Variants in NKAIN2 observed in about 807,000 individuals in gnomAD.
NKAIN2 encodes sodium/potassium-transporting ATPase subunit beta-1-interacting protein 2.
In NKAIN2, 14 loss-of-function variants were observed where a neutral mutation model predicts 32.6. The observed-to-expected ratio is 0.43, with a 90% CI of 0.28 to 0.67. NKAIN2 has a LOEUF of 0.67. Among genes scored for constraint, NKAIN2 ranks in the 30% least tolerant of loss-of-function variants. The probability of loss-of-function intolerance (pLI) is 0.17; values close to 1 mark genes in which losing one functional copy is unlikely to be tolerated. For missense variants in NKAIN2, 198 were observed against 258.3 expected, an observed-to-expected ratio of 0.77 and a Z score of 1.60; for synonymous variants, 80 against 87.2, an observed-to-expected ratio of 0.92 and a Z score of 0.46.
chr6:124,345,347 T>C (rs1252107461), intron 2 of NKAIN2, among the ~76,000 whole-genome samples: 3 of 152,226 alleles, frequency 2.0e-5, no homozygotes, highest in African/African-American at 7.2e-5. Flanking sequence ...GCTGGCCTCA[T>C]AAAATGAGTT....
At chr6:124,237,489 C>A (rs1376613116) in intron 1 of NKAIN2, among the ~76,000 whole-genome samples, 2 of 151,790 alleles carry the variant, frequency 1.3e-5, no homozygotes, top group Non-Finnish European at 2.9e-5. Context: ...TTTTGTTATA[C>A]AAAGGAATGA....
intron 3 of NKAIN2, among the ~76,000 whole-genome samples, chr6:124,412,289 T>A (rs1429166769): frequency 6.6e-6 from 1 of 152,190 alleles, no homozygotes; most frequent in Admixed American, 6.5e-5. Context: ...GCTCTGTTTT[T>A]TCCCCATCTT....
At chr6:124,098,742 T>C (rs1784751544) in intron 1 of NKAIN2, among the ~76,000 whole-genome samples, 1 of 151,874 alleles carries the variant, frequency 6.6e-6, no homozygotes, top group Non-Finnish European at 1.5e-5. Context: ...TGGTGGCACG[T>C]GTCTGTAGTC....
At chr6:124,110,684 A>C (rs1785343362) in intron 1 of NKAIN2, among the ~76,000 whole-genome samples, 1 of 152,096 alleles carries the variant, frequency 6.6e-6, no homozygotes, top group Non-Finnish European at 1.5e-5. Context: ...GCTTAGGATA[A>C]TGGCCTCCAT....
At position 124,644,631 on chromosome 6, in the gene NKAIN2, C is replaced by A. The variant is rs540010385; in HGVS notation, c.274-13555C>A. 3.3e-5 allele frequency among the ~76,000 whole-genome samples: 5 copies of A among 152,248 alleles called. No individual in the cohort carries two copies. In the South Asian group the frequency reaches 1.0e-3, roughly 32 times the overall value. ...ATGTTAGCCAGGATGGTCTTGATCT[C>A]CTGACCTTGTGATCCGCCTGCCTCG... On this transcript the variant is annotated intron_variant, in intron 3 of 6. Transcript: ENST00000368417.
At position 124,572,924 on chromosome 6, in the gene NKAIN2, C is replaced by A. The variant is rs1455817894; in HGVS notation, c.274-85262C>A. ...GGGTGATCTCTGCTCACTGCGTCCT[C>A]CGCCTCCCCAGTTCAAGCAATTCTC... On this transcript the variant is annotated intron_variant, in intron 3 of 6. Transcript: ENST00000368417. Among the ~76,000 whole-genome samples, 4 of 152,180 alleles carry A rather than the reference C, an allele frequency of 2.6e-5. No homozygotes were observed. The East Asian group carries it at 7.7e-4, about 29-fold the overall frequency.
At chr6:124,304,933 G>T (rs762599034) in intron 2 of NKAIN2, among the ~76,000 whole-genome samples, 1 of 151,954 alleles carries the variant, frequency 6.6e-6, no homozygotes, top group African/African-American at 2.4e-5. Flanking sequence ...GTCTGTAATT[G>T]CCTTCAAACT....
At chr6:124,096,368 A>G (rs1176145628) in intron 1 of NKAIN2, among the ~76,000 whole-genome samples, 1 of 152,158 alleles carries the variant, frequency 6.6e-6, no homozygotes, top group East Asian at 1.9e-4. Flanking sequence ...GGACATCCCA[A>G]TACTCTGATG....
intron 1 of NKAIN2, among the ~76,000 whole-genome samples, chr6:124,172,267 T>C (rs1365724387): frequency 3.9e-5 from 6 of 152,354 alleles, no homozygotes; most frequent in African/African-American, 1.4e-4. Context: ...GTAAATTTGT[T>C]ATATCAAAAC....
intron 1 of NKAIN2, among the ~76,000 whole-genome samples, chr6:124,226,521 T>C (rs913848329): frequency 6.6e-6 from 1 of 152,050 alleles, no homozygotes; most frequent in Non-Finnish European, 1.5e-5. Flanking sequence ...TCACCACCAA[T>C]GTCAAAGGCA....
intron 3 of NKAIN2, among the ~76,000 whole-genome samples, chr6:124,437,413 T>G (rs1775494907): frequency 6.6e-6 from 1 of 152,242 alleles, no homozygotes; most frequent in African/African-American, 2.4e-5. Flanking sequence ...GCCAATTATT[T>G]GATCACAAGC....
At chr6:124,474,142 G>A (rs1190459136) in intron 3 of NKAIN2, among the ~76,000 whole-genome samples, 5 of 151,398 alleles carry the variant, frequency 3.3e-5, no homozygotes, top group Middle Eastern at 3.4e-3. Context: ...TCGCTCTATC[G>A]CCCAGGCTAG....
chr6:123,900,532 G>GTTTTTTTTTTTTTTTTTTTTTT lies in NKAIN2; in HGVS notation c.54+96294_54+96315dup, dbSNP rs34370743. 7.3e-4 allele frequency among the ~76,000 whole-genome samples: 24 copies of GTTTTTTTTTTTTTTTTTTTTTT among 32,786 alleles called. 9 individuals are homozygous for GTTTTTTTTTTTTTTTTTTTTTT. Among genetic ancestry groups the GTTTTTTTTTTTTTTTTTTTTTT allele is most frequent in the Non-Finnish European group, 1.7e-3 (15 of 8,916 alleles). 21.5% of individuals were successfully genotyped at this position (32,786 alleles called of 152,430 possible). On this transcript the variant is annotated intron_variant, in intron 1 of 6. Coordinates refer to ENST00000368417, the MANE Select transcript of NKAIN2 (RefSeq NM_001040214.3). The stretch of plus-strand genomic sequence containing the variant: ...GGCAAGGTTTTCTGTCTCCAGATTA[G>GTTTTTTTTTTTTTTTTTTTTTT]TTTTTTTTTTTTTTTTTTTTTTTTT...
chr6:124,362,930 G>T (rs1799353293), intron 3 of NKAIN2, among the ~76,000 whole-genome samples: 1 of 152,044 alleles, frequency 6.6e-6, no homozygotes, highest in Non-Finnish European at 1.5e-5. Context: ...CGCCTCCCAG[G>T]TTCAAGTGAT....
intron 1 of NKAIN2, among the ~76,000 whole-genome samples, chr6:124,248,210 A>AT (rs1158070645): frequency 5.3e-5 from 8 of 151,970 alleles, no homozygotes; most frequent in Non-Finnish European, 8.8e-5. Context: ...TTCTGAGACC[A>AT]TTTTTCTAGT....
intron 1 of NKAIN2, among the ~76,000 whole-genome samples, chr6:124,242,386 A>G (rs1470213716): frequency 6.6e-6 from 1 of 151,960 alleles, no homozygotes; most frequent in Non-Finnish European, 1.5e-5. Context: ...TTAAAAAATC[A>G]GGAAACAACA....
chr6:124,314,748 C>A (rs544932448), intron 2 of NKAIN2, among the ~76,000 whole-genome samples: 7 of 152,276 alleles, frequency 4.6e-5, no homozygotes, highest in Admixed American at 4.6e-4. Flanking sequence ...CTGCTGTGAG[C>A]CCTCAACAGC....
chr6:124,012,089 G>A (rs1327112952), intron 1 of NKAIN2, among the ~76,000 whole-genome samples: 1 of 151,774 alleles, frequency 6.6e-6, no homozygotes, highest in South Asian at 2.1e-4. Flanking sequence ...TATAATTAAA[G>A]TACACCATGT....
At chr6:124,225,057 C>T (rs1374048120) in intron 1 of NKAIN2, among the ~76,000 whole-genome samples, 1 of 151,926 alleles carries the variant, frequency 6.6e-6, no homozygotes, top group African/African-American at 2.4e-5. Flanking sequence ...ATCATTCATT[C>T]TTTCATTCTA....
Sources: allele counts gnomAD v4.1 joint callset (sites outside exome capture counted in the v4.1 genomes callset), GRCh38; gene constraint gnomAD v4.1.1; transcripts MANE v1.5; gene names NCBI Gene and HGNC (gene_info 2026-07-23, HGNC 2026-07-21).